PLCB2: variants seen among roughly 807,000 people sequenced by gnomAD.
PLCB2 encodes phospholipase C beta 2.
A neutral mutation model predicts 141.7 loss-of-function variants in PLCB2; 115 were observed. The ratio of observed to expected loss-of-function variants is 0.81; its 90% CI spans 0.70 to 0.95. The LOEUF (loss-of-function observed/expected upper bound fraction) is 0.95. Among genes scored for constraint, PLCB2 ranks in the 40% least tolerant of loss-of-function variants. PLCB2 has a pLI of 0.00. For missense variants in PLCB2, 1,403 were observed against 1,541.1 expected, an observed-to-expected ratio of 0.91 and a Z score of 1.50; for synonymous variants, 603 against 595.6, an observed-to-expected ratio of 1.01 and a Z score of -0.18.
At chr15:40,304,980 A>G (rs2040719939) in intron 1 of PLCB2, among the ~76,000 whole-genome samples, 1 of 152,212 alleles carries the variant, frequency 6.6e-6, no homozygotes, top group African/African-American at 2.4e-5. Flanking sequence ...AAGGTGAATG[A>G]TCCAAAAAAT....
chr15:40,305,135 G>A (rs544533280), intron 1 of PLCB2, among the ~76,000 whole-genome samples: 1 of 150,942 alleles, frequency 6.6e-6, no homozygotes, highest in East Asian at 1.9e-4. Flanking sequence ...CTTAAGCCTA[G>A]TGAGGGGTTT....
Position 40,288,725 on chromosome 15 carries a change from C to G in PLCB2, c.3548G>C (p.Ser1183Thr), listed in dbSNP as rs1393325666. The G allele has an allele frequency of 6.3e-7, 1 of 1,587,794 alleles. No individual in the cohort carries two copies. Among genetic ancestry groups the G allele is most frequent in the South Asian group, 1.1e-5 (1 of 89,868 alleles). ...AGTGGGATGGGGGCATCAGAGGCGG[C>G]TCTCCTGGGCATCTGCCTTTGCTAT... The part of the protein sequence containing the change: ...PLIAKADAQE[S>T]RL Residue 1183 changes from serine to threonine, a missense_variant, in exon 32 of 32, where the codon AGC (serine) becomes ACC (threonine). Physicochemically the swap from Ser to Thr is moderately conservative, Grantham distance 58. Around this residue, in one of 4 missense-constraint regions of PLCB2, gnomAD observed 132 missense variants for 132.4 expected, o/e 1.00. Transcript: ENST00000260402.
chr15:40,307,152 G>A (rs928575067), intron 1 of PLCB2, among the ~76,000 whole-genome samples: 1 of 152,198 alleles, frequency 6.6e-6, no homozygotes, highest in Non-Finnish European at 1.5e-5. Flanking sequence ...TCCCTGGACA[G>A]GATGATGCCC....
Position 40,303,369 on chromosome 15 carries a change from T to A in PLCB2, c.163-13A>T. 1 of 1,605,896 alleles carries A rather than the reference T, an allele frequency of 6.2e-7. No homozygotes were observed. Among genetic ancestry groups the A allele is most frequent in the Non-Finnish European group, 8.5e-7 (1 of 1,172,676 alleles). ...GAAACTCCATCTCCTGGGGGCAGGG[T>A]GCGGATCCCGGTGGGAGCAAAGAAG... On this transcript the variant is annotated splice_polypyrimidine_tract_variant and intron_variant, in intron 2 of 31. Coordinates refer to ENST00000260402, the MANE Select transcript of PLCB2 (RefSeq NM_004573.3).
At chr15:40,301,843 T>C in intron 7 of PLCB2, 114 bp downstream of exon 7, 1 of 910,692 alleles carries the variant, frequency 1.1e-6, no homozygotes, top group Non-Finnish European at 1.8e-6. Flanking sequence ...CTCTCCAGGC[T>C]CTTGGCTGGG....
chr15:40,303,412 T>C (rs2040627773), intron 2 of PLCB2, 56 bp from the exon 3 acceptor site: 6 of 1,327,568 alleles, frequency 4.5e-6, no homozygotes, highest in Non-Finnish European at 6.5e-6. Context: ...GGACAAAAAG[T>C]CCAGGTCAAG....
At chr15:40,300,627 A>T (rs1236269955) in intron 7 of PLCB2, 1 of 152,252 alleles carries the variant, frequency 6.6e-6, no homozygotes, top group Non-Finnish European at 1.5e-5. Context: ...AAACCTTGAA[A>T]ACATTATGAG....
chr15:40,302,057 G>A, intron 6 of PLCB2, 25 bp from the exon 7 acceptor site: 2 of 1,614,026 alleles, frequency 1.2e-6, no homozygotes, highest in Non-Finnish European at 1.7e-6. Flanking sequence ...AAAGGTACCA[G>A]GTACAGAGAG....
At position 40,292,946 on chromosome 15, in the gene PLCB2, G is replaced by T; in HGVS notation, c.2306C>A (p.Pro769His). 6.2e-7 allele frequency: 1 copy of T among 1,605,386 alleles called. No individual in the cohort carries two copies. Among genetic ancestry groups the T allele is most frequent in the Non-Finnish European group, 8.5e-7 (1 of 1,174,886 alleles). ...CTTACCAGAATTTAGGGCATTGATG[G>T]GGATGATGCGGTGTCCAAGAAACTT... ...GNKFLGHRII[P>H]INALNSGYHH... Residue 769 changes from proline (P) to histidine (H), a missense_variant, in exon 21 of 32, where the codon CCC becomes CAC. Transcript: ENST00000260402.
rs766667542 is a variant in PLCB2, at chr15:40,294,357, T to C, written c.1970A>G (p.Lys657Arg). 2.5e-6 allele frequency: 4 copies of C among 1,614,118 alleles called. No homozygotes were observed. Among genetic ancestry groups the C allele is most frequent in the South Asian group, 2.2e-5 (2 of 91,078 alleles). The change falls in exon 19 of 32, where the codon AAG (lysine) becomes AGG (arginine). Residue 657 changes from lysine to arginine, a missense_variant. By Grantham distance (26) the Lys-to-Arg change is conservative. Transcript: ENST00000260402. Reference sequence around the variant, plus strand: ...GTCCGGCCGGCGCATGAACTCATGCTTGAGGAGGTAGCCGCTCTGCCCGTT... The same window carrying C: ...GTCCGGCCGGCGCATGAACTCATGCCTGAGGAGGTAGCCGCTCTGCCCGTT... ...EFNGQSGYLL[K>R]HEFMRRPDKQ...
chr15:40,294,339 C>A lies in PLCB2; in HGVS notation c.1988G>T (p.Arg663Leu). The A allele has an allele frequency of 6.2e-7, 1 of 1,614,150 alleles. No individual in the cohort carries two copies. The highest frequency in any genetic ancestry group is 8.5e-7 in the Non-Finnish European group (1 of 1,180,024). ...GYLLKHEFMR[R>L]PDKQFNPFSV... ...GAAGGGGTTGAACTGCTTGTCCGGC[C>A]GGCGCATGAACTCATGCTTGAGGAG... is the stretch of plus-strand genomic sequence containing the variant. The change falls in exon 19 of 32, where the codon CGG becomes CTG. Residue 663 changes from arginine to leucine, a missense_variant. By Grantham distance (102) the Arg-to-Leu change is moderately radical. Around this residue, in one of 4 missense-constraint regions of PLCB2, gnomAD observed 975 missense variants for 1,141.1 expected, o/e 0.85. Coordinates refer to ENST00000260402, the MANE Select transcript of PLCB2 (RefSeq NM_004573.3).
downstream of PLCB2, chr15:40,284,270 ATT>A: frequency 3.0e-6 from 1 of 336,768 alleles, no homozygotes; most frequent in Non-Finnish European, 5.9e-6. Flanking sequence ...CAGCTGCAGA[ATT>A]TACTGAGACT....
intron 4 of PLCB2, 54 bp downstream of exon 4, chr15:40,302,415 G>A (rs2040565057): frequency 1.2e-6 from 2 of 1,612,844 alleles, no homozygotes; most frequent in Non-Finnish European, 8.5e-7. Context: ...TGTCTCTCAG[G>A]AAGTCCAGGC....
Position 40,289,279 on chromosome 15 carries a change from T to C in PLCB2, c.3347A>G (p.Glu1116Gly). The C allele has an allele frequency of 1.2e-6, 2 of 1,613,654 alleles. No individual in the cohort carries two copies. Among genetic ancestry groups the C allele is most frequent in the Middle Eastern group, 1.6e-4 (1 of 6,062 alleles). ...CAGTAGTGAACCTGTTACCTGCTTTTCCATCTCCCGTATCTGTTCCAGGCA... is the reference window on the plus strand; with the variant it reads ...CAGTAGTGAACCTGTTACCTGCTTTCCCATCTCCCGTATCTGTTCCAGGCA... ...AACLEQIREM[E>G]KQFQKEALAE... Residue 1116 changes from glutamate (E) to glycine (G), a missense_variant, in exon 31 of 32, where the codon GAA becomes GGA. Physicochemically the swap from Glu to Gly is moderately conservative, Grantham distance 98. Transcript: ENST00000260402.
rs770348114 is a variant in PLCB2, at chr15:40,298,343, G to A, written c.1035C>T (p.Tyr345=). ...QFSGLSSAEM[Y]RQVLLSGCRC... is the part of the protein sequence containing the mutation. ...GGCAGCCAGAGAGCAGCACCTGGCG[G>A]TACATCTCAGCCGAGGAGAGGCCTG... Residue 345 remains tyrosine, a synonymous_variant, in exon 11 of 32, where the codon TAC becomes TAT. Transcript: ENST00000260402. The A allele has an allele frequency of 3.1e-6, 5 of 1,601,212 alleles. No individual in the cohort carries two copies. Among genetic ancestry groups the A allele is most frequent in the Non-Finnish European group, 4.3e-6 (5 of 1,171,638 alleles).
At chr15:40,291,218 C>T (rs757988431) in intron 26 of PLCB2, 35 bp from the exon 27 acceptor site, 6 of 1,571,118 alleles carry the variant, frequency 3.8e-6, no homozygotes, top group Non-Finnish European at 5.1e-6. Context: ...CCCTGAGATC[C>T]TGCGCCACCC....
chr15:40,286,020 C>CCAGG (rs1410843441), downstream of PLCB2: 1 of 985,598 alleles, frequency 1.0e-6, no homozygotes, highest in African/African-American at 1.7e-5. Context: ...GGTGGTGGTG[C>CCAGG]CAGGTCTCGA....
rs1346868101 is a variant in PLCB2 at position 40,291,356 on chromosome 15, C to T, written c.2779G>A (p.Gly927Ser). 1.3e-6 allele frequency: 2 copies of T among 1,525,368 alleles called. No individual in the cohort carries two copies. Among genetic ancestry groups the T allele is most frequent in the Admixed American group, 2.0e-5 (1 of 49,954 alleles). The allele number at this position is 1,525,368 out of a possible 1,614,324, so 94.5% of individuals were successfully genotyped here. A position where few individuals can be genotyped will look rare whatever the true frequency, so the allele number is the denominator to read the frequency against. Residue 927 changes from glycine (G) to serine (S), a missense_variant, in exon 26 of 32, where the codon GGC becomes AGC. By Grantham distance (56) the Gly-to-Ser change is moderately conservative (BLOSUM62 0). Transcript: ENST00000260402. ...ARRWEELLQRGAAQLAELGPP... is the reference protein window; with the variant it reads ...ARRWEELLQRSAAQLAELGPP... The stretch of plus-strand genomic sequence containing the variant: ...CCGAGCTCCGCCAGCTGCGCCGCGC[C>T]CCGCTGCAGCAGCTCCTCCCAGCGC...
rs946867854 is a variant in PLCB2 at position 40,297,681 on chromosome 15, T to C, written c.1239-76A>G. ...ATTATGCATCCTTTTGTGCCCTTGA[T>C]GACCCAGATCAGGGGCCAGGAGGTC... On this transcript the variant is annotated intron_variant, in intron 12 of 31. Transcript: ENST00000260402. The surrounding 1 kb of genome is among the most constrained non-coding windows in gnomAD (Gnocchi z 4.2). 12 of 1,294,028 alleles carry C rather than the reference T, an allele frequency of 9.3e-6. No individual in the cohort carries two copies. In the African/African-American group the frequency reaches 1.7e-4, roughly 19 times the overall value. The allele number at this position is 1,294,028 out of a possible 1,614,324, so 80.2% of individuals were successfully genotyped here. A position where few individuals can be genotyped will look rare whatever the true frequency, so the allele number is the denominator to read the frequency against.
Sources: allele counts gnomAD v4.1 joint callset (sites outside exome capture counted in the v4.1 genomes callset), GRCh38; gene constraint gnomAD v4.1.1; regional missense constraint gnomAD v4.1.1; non-coding constraint Gnocchi (gnomAD v3.1); transcripts MANE v1.5; gene names NCBI Gene and HGNC (gene_info 2026-07-23, HGNC 2026-07-21).